Variants in PSMD1 observed in about 807,000 individuals in gnomAD.
PSMD1 encodes 26S proteasome non-ATPase regulatory subunit 1.
In PSMD1, 18 loss-of-function variants were observed where a neutral mutation model predicts 119.0. The ratio of observed to expected loss-of-function variants is 0.15; its 90% CI spans 0.10 to 0.22. The LOEUF (loss-of-function observed/expected upper bound fraction) is 0.22. Among genes scored for constraint, PSMD1 ranks in the 10% least tolerant of loss-of-function variants. The pLI is 1.00. For missense variants in PSMD1, 702 were observed against 1,158.5 expected (o/e 0.61, Z 5.72); for synonymous variants, 374 against 396.6 (o/e 0.94, Z 0.68).
At chr2:231,163,837 C>T in intron 21 of PSMD1, 110 bp downstream of exon 21, 2 of 769,258 alleles carry the variant, frequency 2.6e-6, no homozygotes, top group Non-Finnish European at 4.1e-6. Flanking sequence ...ACTTCTTATG[C>T]TAACATTTGA....
chr2:231,083,115 G>A (rs1471957460), intron 13 of PSMD1, 121 bp downstream of exon 13: 1 of 794,224 alleles, frequency 1.3e-6, no homozygotes, highest in Non-Finnish European at 1.9e-6. Flanking sequence ...TAGTTGAAGA[G>A]GAAGTGAATT....
intron 16 of PSMD1, among the ~76,000 whole-genome samples, chr2:231,137,336 A>G (rs908846999): frequency 1.3e-5 from 2 of 151,546 alleles, no homozygotes; most frequent in Non-Finnish European, 2.9e-5. Context: ...TCTGGTCTCA[A>G]ACTCCTGACC....
intron 6 of PSMD1, among the ~76,000 whole-genome samples, chr2:231,070,963 A>G (rs929632628): frequency 6.6e-6 from 1 of 152,074 alleles, no homozygotes; most frequent in African/African-American, 2.4e-5. Context: ...TGTTTTTTAC[A>G]ATCCCTTTTA....
chr2:231,161,485 C>T lies in PSMD1; in HGVS notation c.2364C>T (p.Val788=), dbSNP rs1397563180. The T allele has an allele frequency of 1.9e-6, 3 of 1,613,900 alleles. No individual in the cohort carries two copies. The highest frequency in any genetic ancestry group is 1.3e-5 in the African/African-American group (1 of 74,906). Residue 788 remains valine (V), a synonymous_variant, in exon 20 of 25, where the codon GTC becomes GTT. Coordinates refer to ENST00000308696, the MANE Select transcript of PSMD1 (RefSeq NM_002807.4). ...CATTGGCTTATACCCCTACCTGTGT[C>T]ATTGGCCTTAACAAGGACTTAAAGG... ...FLSLAYTPTC[V]IGLNKDLKMP...
chr2:231,102,858 TTATTTGTTA>T (rs574401763), intron 16 of PSMD1, among the ~76,000 whole-genome samples: 64 of 152,318 alleles, frequency 4.2e-4, no homozygotes, highest in Middle Eastern at 3.4e-3. Context: ...CTGTTATAGC[TTATTTGTTA>T]TATTTGTTAT....
rs375200885 is a variant in PSMD1 at position 231,165,914 on chromosome 2, C to T, written c.2612C>T (p.Pro871Leu). 1.2e-5 allele frequency: 20 copies of T among 1,613,446 alleles called. No homozygotes were observed. The highest frequency in any genetic ancestry group is 3.3e-4 in the Middle Eastern group (2 of 6,084). Residue 871 changes from proline (P) to leucine (L), a missense_variant, in exon 23 of 25, where the codon CCT (proline) becomes CTT (leucine). Pro to Leu is a moderately conservative substitution (Grantham distance 98, BLOSUM62 -3). Transcript: ENST00000308696. ...KKEEKEKKKE[P>L]EPNFQLLDNP... The stretch of plus-strand genomic sequence containing the variant: ...GAGGAAAAAGAGAAGAAAAAAGAAC[C>T]TGAGCCAAACTTCCAGTTATTGGAT...
intron 16 of PSMD1, among the ~76,000 whole-genome samples, chr2:231,129,338 A>G (rs758533286): frequency 6.6e-5 from 10 of 152,204 alleles, no homozygotes; most frequent in Non-Finnish European, 1.3e-4. Context: ...AATATTACAG[A>G]TTTCTGTAGG....
intron 16 of PSMD1, among the ~76,000 whole-genome samples, chr2:231,100,343 C>CT (rs1160111867): frequency 2.0e-5 from 3 of 152,196 alleles, no homozygotes; most frequent in African/African-American, 7.2e-5. Flanking sequence ...CACATGGCCC[C>CT]TGCTGCTGTG....
intron 19 of PSMD1, 133 bp downstream of exon 19, chr2:231,153,799 A>G: frequency 1.6e-6 from 1 of 634,858 alleles, no homozygotes; most frequent in Non-Finnish European, 2.7e-6. Context: ...TGGAGCCTGC[A>G]GTTCACAGAG....
intron 17 of PSMD1, among the ~76,000 whole-genome samples, chr2:231,141,361 G>T (rs1574765687): frequency 6.8e-6 from 1 of 147,678 alleles, no homozygotes; most frequent in African/African-American, 2.5e-5. Flanking sequence ...GTAAAAATTT[G>T]TAAAGAGACA....
chr2:231,113,769 T>C (rs754465784), intron 16 of PSMD1: 9 of 1,614,044 alleles, frequency 5.6e-6, no homozygotes, highest in Non-Finnish European at 7.6e-6. Flanking sequence ...TGATGAATGC[T>C]GTAGCCCGTG....
chr2:231,069,378 C>T lies in PSMD1; in HGVS notation c.511-647C>T, dbSNP rs545157819. On this transcript the variant is annotated intron_variant, in intron 5 of 24. Transcript: ENST00000308696. The stretch of plus-strand genomic sequence containing the variant: ...ACACTTCATTAAATTGATTTTATTA[C>T]GCAGTGGAAAGTCACAACTCACTTT... Among the ~76,000 whole-genome samples, 12 of 152,036 alleles carry T rather than the reference C, an allele frequency of 7.9e-5. No individual in the cohort carries two copies. The South Asian group carries it at 2.1e-3, about 26-fold the overall frequency.
At chr2:231,088,440 T>C (rs1037433360) in intron 16 of PSMD1, among the ~76,000 whole-genome samples, 1 of 152,262 alleles carries the variant, frequency 6.6e-6, no homozygotes, top group African/African-American at 2.4e-5. Context: ...CAAGCAAGTC[T>C]ACCAAAACCA....
intron 24 of PSMD1, among the ~76,000 whole-genome samples, chr2:231,171,151 G>A (rs996514440): frequency 5.3e-5 from 8 of 152,354 alleles, no homozygotes; most frequent in Non-Finnish European, 8.8e-5. Flanking sequence ...GCCCATAGGT[G>A]ACACTTTTGA....
intron 20 of PSMD1, 64 bp downstream of exon 20, chr2:231,161,573 G>T (rs996354515): frequency 7.0e-6 from 10 of 1,437,732 alleles, no homozygotes; most frequent in African/African-American, 1.4e-5. Flanking sequence ...CATATTTACC[G>T]CCCACTTGCA....
rs775665429 is a variant in PSMD1, at chr2:231,146,279, G to A, written c.2038G>A (p.Val680Met). 18 of 1,613,598 alleles carry A rather than the reference G, an allele frequency of 1.1e-5. No individual in the cohort carries two copies. The highest frequency in any genetic ancestry group is 1.4e-5 in the Non-Finnish European group (16 of 1,179,706). ...GCTAGAACCAATGACAAACGACCCC[G>A]TGAACTACGTGAGGCAAGGGGCACT... ...NLLEPMTNDP[V>M]NYVRQGALIA... The change falls in exon 18 of 25, where the codon GTG (valine) becomes ATG (methionine). Residue 680 changes from valine (V) to methionine (M), a missense_variant. Physicochemically the swap from Val to Met is conservative, Grantham distance 21. This residue lies in a region of PSMD1 where 272 missense variants were observed against 511.6 expected (regional missense o/e 0.53). Transcript: ENST00000308696.
chr2:231,130,238 C>G (rs1048335398), intron 16 of PSMD1, among the ~76,000 whole-genome samples: 1 of 152,198 alleles, frequency 6.6e-6, no homozygotes, highest in Admixed American at 6.5e-5. Flanking sequence ...ACACATGCAG[C>G]TGGCAAATTT....
intron 1 of PSMD1, chr2:231,060,246 A>G (rs933065590): frequency 1.3e-5 from 2 of 152,202 alleles, no homozygotes; most frequent in Non-Finnish European, 2.9e-5. Flanking sequence ...GGTTCTTTAT[A>G]TCTGCTTTTA....
intron 16 of PSMD1, among the ~76,000 whole-genome samples, chr2:231,120,487 C>T (rs529393542): frequency 5.9e-5 from 9 of 152,266 alleles, no homozygotes; most frequent in African/African-American, 1.9e-4. Context: ...GTCCAGTGCT[C>T]CCAGATAGGA....
Sources: allele counts gnomAD v4.1 joint callset (sites outside exome capture counted in the v4.1 genomes callset), GRCh38; gene constraint gnomAD v4.1.1; regional missense constraint gnomAD v4.1.1; transcripts MANE v1.5; gene names NCBI Gene and HGNC (gene_info 2026-07-23, HGNC 2026-07-21).